The following PLCL1 variants were observed in gnomAD, a reference collection of about 807,000 sequenced individuals.
PLCL1 encodes the protein inactive phospholipase C-like protein 1.
A neutral mutation model predicts 84.4 loss-of-function variants in PLCL1; 41 were observed. The observed-to-expected ratio is 0.49, with a 90% CI of 0.38 to 0.63. The LOEUF (loss-of-function observed/expected upper bound fraction) is 0.63. PLCL1 is among the 30% of genes least tolerant of loss of function. The pLI is 0.00. For synonymous variants in PLCL1, 490 were observed against 488.3 expected, an observed-to-expected ratio of 1.00 and a Z score of -0.05; for missense variants, 1,206 against 1,367.8, an observed-to-expected ratio of 0.88 and a Z score of 1.87.
intron 1 of PLCL1, among the ~76,000 whole-genome samples, chr2:197,953,655 C>T (rs578153440): frequency 6.6e-6 from 1 of 152,124 alleles, no homozygotes; most frequent in East Asian, 1.9e-4. Flanking sequence ...CACAATCATG[C>T]TCTTACTTAT....
chr2:198,098,096 C>T (rs1005045643), intron 3 of PLCL1, among the ~76,000 whole-genome samples: 1 of 152,030 alleles, frequency 6.6e-6, no homozygotes, highest in Admixed American at 6.6e-5. Flanking sequence ...AAAGATGAGC[C>T]ACTGCAGAAC....
chr2:198,061,477 G>A (rs960407999), intron 1 of PLCL1, among the ~76,000 whole-genome samples: 2 of 152,088 alleles, frequency 1.3e-5, no homozygotes, highest in African/African-American at 4.8e-5. Flanking sequence ...TGTTGCCTAA[G>A]AGGGGAAGGA....
At chr2:197,959,106 C>G (rs147905993) in intron 1 of PLCL1, among the ~76,000 whole-genome samples, 101 of 152,044 alleles carry the variant, frequency 6.6e-4, no homozygotes, top group Admixed American at 3.5e-3. Context: ...GTGACTTCAG[C>G]CAAATCACTT....
At chr2:198,091,333 T>C (rs1693027178) in intron 3 of PLCL1, among the ~76,000 whole-genome samples, 1 of 152,212 alleles carries the variant, frequency 6.6e-6, no homozygotes, top group Non-Finnish European at 1.5e-5. Context: ...AGTGTATTAC[T>C]GTGTGTTAAT....
At chr2:198,144,979 T>G (rs1694483510) in intron 5 of PLCL1, among the ~76,000 whole-genome samples, 1 of 152,178 alleles carries the variant, frequency 6.6e-6, no homozygotes, top group Non-Finnish European at 1.5e-5. Context: ...GAAGGGTGAC[T>G]GTGCTCTGGG....
chr2:198,137,178 A>G (rs980624343), intron 5 of PLCL1, among the ~76,000 whole-genome samples: 8 of 152,216 alleles, frequency 5.3e-5, no homozygotes, highest in Non-Finnish European at 1.0e-4. Context: ...TATAGAGATT[A>G]AGAAAAACAA....
At position 198,085,593 on chromosome 2, in the gene PLCL1, T is replaced by C. The variant is rs1692855264; in HGVS notation, c.2076T>C (p.Gly692=). ...TGWFLQNGGC[G]YVLRPSIMRD... ...GGTTTCTTCAAAACGGGGGATGTGG[T>C]TATGTTCTAAGGCCGTCTATAATGC... The change falls in exon 2 of 6, where the codon GGT becomes GGC. Residue 692 remains glycine, a synonymous_variant. Coordinates refer to ENST00000428675, the MANE Select transcript of PLCL1 (RefSeq NM_006226.4). This position sits in a 1 kb window ranked among gnomAD's most constrained non-coding sequence, Gnocchi z 5.3. 2 of 1,613,958 alleles carry C rather than the reference T, an allele frequency of 1.2e-6. No homozygotes were observed. The highest frequency in any genetic ancestry group is 1.7e-6 in the Non-Finnish European group (2 of 1,180,010).
chr2:197,915,538 A>C (rs1476103134), intron 1 of PLCL1, among the ~76,000 whole-genome samples: 2 of 149,110 alleles, frequency 1.3e-5, no homozygotes, highest in Non-Finnish European at 3.0e-5. Context: ...TTTTTTTTTG[A>C]AGTCCGATGG....
intron 3 of PLCL1, among the ~76,000 whole-genome samples, chr2:198,098,229 A>G (rs1455765247): frequency 2.6e-5 from 4 of 152,264 alleles, no homozygotes; most frequent in South Asian, 4.1e-4. Context: ...ATTGACTCAC[A>G]TTTTCTCAAG....
At chr2:197,933,790 G>A (rs1330730601) in intron 1 of PLCL1, among the ~76,000 whole-genome samples, 2 of 151,996 alleles carry the variant, frequency 1.3e-5, no homozygotes, top group African/African-American at 4.8e-5. Flanking sequence ...GCTCATAATG[G>A]TAGACTGGAT....
At chr2:197,941,781 G>C (rs186979810) in intron 1 of PLCL1, among the ~76,000 whole-genome samples, 1 of 152,088 alleles carries the variant, frequency 6.6e-6, no homozygotes, top group East Asian at 1.9e-4. Flanking sequence ...CATTGTTGGA[G>C]CATTAACATC....
intron 5 of PLCL1, among the ~76,000 whole-genome samples, chr2:198,139,070 G>A (rs551086746): frequency 6.6e-5 from 10 of 152,092 alleles, no homozygotes; most frequent in Middle Eastern, 3.4e-3. Flanking sequence ...CAGGAGAATC[G>A]CTTGAACCCA....
chr2:198,016,098 GA>G (rs1252556531), intron 1 of PLCL1, among the ~76,000 whole-genome samples: 1 of 152,124 alleles, frequency 6.6e-6, no homozygotes, highest in Non-Finnish European at 1.5e-5. Context: ...GTAAAATAGT[GA>G]CACTAATGCC....
Position 198,085,716 on chromosome 2 carries a change from C to T in PLCL1, c.2199C>T (p.Phe733=), listed in dbSNP as rs1402858061. Residue 733 remains phenylalanine (F), a synonymous_variant, in exon 2 of 6, where the codon TTC becomes TTT. Transcript: ENST00000428675. The surrounding 1 kb of genome is among the most constrained non-coding windows in gnomAD (Gnocchi z 5.3). ...TCAAGATCATCAGTGGTCAGAATTT[C>T]CCAAAGCCCAAGGGAGCTTGTGCCA... is the stretch of plus-strand genomic sequence containing the variant. ...LHIKIISGQN[F]PKPKGACAKG... 4 of 1,614,032 alleles carry T rather than the reference C, an allele frequency of 2.5e-6. No homozygotes were observed. The highest frequency in any genetic ancestry group is 3.4e-6 in the Non-Finnish European group (4 of 1,180,020).
At chr2:197,905,161 G>A (rs1688353367) in intron 1 of PLCL1, among the ~76,000 whole-genome samples, 1 of 152,140 alleles carries the variant, frequency 6.6e-6, no homozygotes, top group African/African-American at 2.4e-5. Context: ...CATGTGCCAT[G>A]GTGGTTTGCT....
chr2:198,092,566 A>G (rs1693072778), intron 3 of PLCL1, among the ~76,000 whole-genome samples: 1 of 151,682 alleles, frequency 6.6e-6, no homozygotes. Context: ...ATTTGGAAAT[A>G]TGCAATATAT....
chr2:198,143,780 T>A (rs1299229907), intron 5 of PLCL1, among the ~76,000 whole-genome samples: 1 of 152,172 alleles, frequency 6.6e-6, no homozygotes, highest in Non-Finnish European at 1.5e-5. Flanking sequence ...GAAAGATGAC[T>A]GCTATTCCTC....
At chr2:198,133,125 C>A (rs1457875493) in intron 5 of PLCL1, among the ~76,000 whole-genome samples, 3 of 151,712 alleles carry the variant, frequency 2.0e-5, no homozygotes, top group African/African-American at 7.3e-5. Context: ...ATTTGTCAAC[C>A]CAAATGTCCA....
At chr2:197,865,604 G>A (rs951797135) in intron 1 of PLCL1, among the ~76,000 whole-genome samples, 1 of 151,962 alleles carries the variant, frequency 6.6e-6, no homozygotes, top group African/African-American at 2.4e-5. Context: ...AAACAAATTT[G>A]ACTTTAAAAA....
Sources: allele counts gnomAD v4.1 joint callset (sites outside exome capture counted in the v4.1 genomes callset), GRCh38; gene constraint gnomAD v4.1.1; non-coding constraint Gnocchi (gnomAD v3.1); transcripts MANE v1.5; gene names NCBI Gene and HGNC (gene_info 2026-07-23, HGNC 2026-07-21).